The following PHF14 variants were observed in gnomAD, a reference collection of about 807,000 sequenced individuals.
PHF14 encodes the protein PHD finger protein 14.
A neutral mutation model predicts 117.9 loss-of-function variants in PHF14; 55 were observed. That is an observed-to-expected ratio of 0.47 (90% CI 0.38 to 0.58). The LOEUF (loss-of-function observed/expected upper bound fraction) is 0.58, where lower values mean the gene tolerates loss of function less well. Ranked by LOEUF, PHF14 falls within the 20% of genes least tolerant of loss-of-function variation. The pLI is 0.00. For missense variants in PHF14, 978 were observed against 1,122.2 expected (o/e 0.87, Z 1.84); for synonymous variants, 409 against 368.6 (o/e 1.11, Z -1.26).
At chr7:11,097,727 T>C (rs1156326523) in intron 16 of PHF14, among the ~76,000 whole-genome samples, 3 of 152,348 alleles carry the variant, frequency 2.0e-5, no homozygotes, top group Non-Finnish European at 4.4e-5. Context: ...AAGTTCATTG[T>C]TGATACCCAT....
intron 17 of PHF14, among the ~76,000 whole-genome samples, chr7:11,150,437 A>G (rs6945159): frequency 0.028 from 4,186 of 152,202 alleles, 150 homozygotes; most frequent in East Asian, 0.13. Context: ...AATCACCTCT[A>G]TTCTCCTCCC....
intron 16 of PHF14, among the ~76,000 whole-genome samples, chr7:11,073,133 A>G (rs570081757): frequency 6.6e-6 from 1 of 152,096 alleles, no homozygotes; most frequent in South Asian, 2.1e-4. Context: ...GCAAAATACA[A>G]TTGTCCTTTA....
intron 16 of PHF14, among the ~76,000 whole-genome samples, chr7:11,069,527 C>T (rs1785536650): frequency 1.6e-5 from 2 of 125,706 alleles, no homozygotes; most frequent in South Asian, 5.1e-4. Context: ...TGATGTATTG[C>T]CTCTTTTATG....
chr7:11,036,866 A>G, intron 9 of PHF14, 119 bp from the exon 10 acceptor site: 1 of 939,006 alleles, frequency 1.1e-6, no homozygotes, highest in Non-Finnish European at 1.6e-6. Flanking sequence ...TTATTTGTAA[A>G]TATACTTAAA....
chr7:11,045,888 T>TG (rs1176808880), intron 13 of PHF14, among the ~76,000 whole-genome samples: 3 of 152,204 alleles, frequency 2.0e-5, no homozygotes, highest in Non-Finnish European at 4.4e-5. Context: ...CAAACTGACT[T>TG]GCTGAGGCTG....
intron 12 of PHF14, among the ~76,000 whole-genome samples, chr7:11,041,405 T>G (rs908070336): frequency 1.3e-5 from 2 of 151,832 alleles, no homozygotes; most frequent in South Asian, 2.1e-4. Context: ...TGGGAGAAGT[T>G]TAGAAGATGC....
intron 16 of PHF14, chr7:11,103,863 G>C: frequency 1.0e-6 from 1 of 981,182 alleles, no homozygotes; most frequent in South Asian, 4.7e-5. Flanking sequence ...CTTATTGAAA[G>C]ATCTCATAAC....
rs775864794 is a variant in PHF14, at chr7:11,036,469, C to T, written c.1654C>T (p.Arg552Ter). ...QQYRAKAELA[R>*]STRPQAWVPR... Reference sequence around the variant, plus strand: ...GTATCGTGCCAAAGCAGAACTAGCTCGATCTACCAGACCCCAGGCCTGGGT... The same window carrying T: ...GTATCGTGCCAAAGCAGAACTAGCTTGATCTACCAGACCCCAGGCCTGGGT... Residue 552 changes from arginine (R) to a stop codon, truncating the protein, a stop_gained, in exon 9 of 18, where the codon CGA becomes TGA. Coordinates refer to ENST00000634607, the MANE Select transcript of PHF14 (RefSeq NM_001007157.2). LOFTEE classifies it high-confidence loss of function. 5.6e-6 allele frequency: 9 copies of T among 1,613,564 alleles called. No individual in the cohort carries two copies. The highest frequency in any genetic ancestry group is 1.1e-5 in the South Asian group (1 of 91,066).
chr7:11,125,543 AC>A (rs1787904385), intron 17 of PHF14, among the ~76,000 whole-genome samples: 1 of 152,086 alleles, frequency 6.6e-6, no homozygotes, highest in Admixed American at 6.6e-5. Context: ...TGATTATTAA[AC>A]AAGGAGTACA....
At chr7:10,978,032 C>A (rs73678535) in intron 2 of PHF14, among the ~76,000 whole-genome samples, 1 of 152,138 alleles carries the variant, frequency 6.6e-6, no homozygotes, top group African/African-American at 2.4e-5. Context: ...CCCTATCCCC[C>A]ACCAGGCAAA....
intron 17 of PHF14, among the ~76,000 whole-genome samples, chr7:11,127,870 A>G (rs779791408): frequency 6.6e-6 from 1 of 152,082 alleles, no homozygotes; most frequent in Admixed American, 6.6e-5. Flanking sequence ...CAAATATCCT[A>G]TCACCATGAC....
At chr7:11,086,436 T>C (rs983172616) in intron 16 of PHF14, among the ~76,000 whole-genome samples, 1 of 152,194 alleles carries the variant, frequency 6.6e-6, no homozygotes, top group African/African-American at 2.4e-5. Context: ...ATGTTATACC[T>C]TCTCTCTGAA....
intron 17 of PHF14, among the ~76,000 whole-genome samples, chr7:11,154,078 G>A (rs903291195): frequency 3.3e-5 from 5 of 150,022 alleles, no homozygotes; most frequent in African/African-American, 7.5e-5. Flanking sequence ...GATAATGATA[G>A]ACAAACACAT....
chr7:11,084,423 C>G (rs1786294557), intron 16 of PHF14, among the ~76,000 whole-genome samples: 1 of 151,924 alleles, frequency 6.6e-6, no homozygotes, highest in Non-Finnish European at 1.5e-5. Flanking sequence ...TAAGTACAAA[C>G]AAAATATTCA....
In PHF14 at chr7:10,976,513, T is replaced by A. The variant is rs1583319976; in HGVS notation, c.112+1568T>A. On this transcript the variant is annotated intron_variant, in intron 2 of 17. Transcript: ENST00000634607. ...ATGGGAACAATTCTAAAACTTACAT[T>A]AAGTATTACATTATTATGTGACAAT... 2.0e-5 allele frequency among the ~76,000 whole-genome samples: 3 copies of A among 152,236 alleles called. No homozygotes were observed. In the East Asian group the frequency reaches 5.8e-4, roughly 29 times the overall value.
chr7:11,002,725 T>C (rs962666712), intron 4 of PHF14, among the ~76,000 whole-genome samples: 2 of 152,110 alleles, frequency 1.3e-5, no homozygotes, highest in African/African-American at 4.8e-5. Context: ...ATTACAGACG[T>C]GAGCCACCGC....
intron 5 of PHF14, among the ~76,000 whole-genome samples, chr7:11,019,501 CT>C (rs1583374086): frequency 6.6e-6 from 1 of 152,172 alleles, no homozygotes; most frequent in African/African-American, 2.4e-5. Flanking sequence ...TCATCCATTT[CT>C]TTTAGATTTT....
intron 17 of PHF14, among the ~76,000 whole-genome samples, chr7:11,155,791 G>A (rs1235914526): frequency 6.7e-6 from 1 of 149,646 alleles, no homozygotes; most frequent in African/African-American, 2.5e-5. Flanking sequence ...TTAGCAACTA[G>A]CACAGTGCCT....
intron 17 of PHF14, among the ~76,000 whole-genome samples, chr7:11,113,990 A>G (rs867638311): frequency 6.6e-6 from 1 of 152,140 alleles, no homozygotes; most frequent in African/African-American, 2.4e-5. Context: ...ACATTTGCTT[A>G]GGTGGAATAT....
Sources: allele counts gnomAD v4.1 joint callset (sites outside exome capture counted in the v4.1 genomes callset), GRCh38; gene constraint gnomAD v4.1.1; transcripts MANE v1.5; gene names NCBI Gene and HGNC (gene_info 2026-07-23, HGNC 2026-07-21).